Variants in ZSWIM7 observed in about 807,000 individuals in gnomAD.
ZSWIM7 encodes the protein zinc finger SWIM domain-containing protein 7.
In ZSWIM7, 22 loss-of-function variants were observed where a neutral mutation model predicts 21.1. The observed-to-expected ratio is 1.04, with a 90% CI of 0.74 to 1.49. The LOEUF is 1.49. ZSWIM7 is among the 40% of genes most tolerant of loss of function. The pLI, the probability that ZSWIM7 is intolerant of heterozygous loss-of-function variation, is 0.00. For missense variants in ZSWIM7, 193 were observed against 168.0 expected, an observed-to-expected ratio of 1.15 and a Z score of -0.82; for synonymous variants, 67 against 66.5, an observed-to-expected ratio of 1.01 and a Z score of -0.04.
chr17:15,999,574 C>G lies in ZSWIM7; in HGVS notation c.21G>C (p.Ala7=), dbSNP rs768165406. The G allele has an allele frequency of 2.5e-6, 4 of 1,591,654 alleles. No individual in the cohort carries two copies. Among genetic ancestry groups the G allele is most frequent in the Non-Finnish European group, 3.4e-6 (4 of 1,170,276 alleles). MAVVLP[A]VVEELLSEMA... ...TCTCGCTCAGGAGCTCCTCCACAAC[C>G]GCCGGCAACACTACGGCCATCGCGC... The change falls in exon 1 of 5, where the codon GCG becomes GCC. Residue 7 remains alanine, a synonymous_variant. Transcript: ENST00000399277.
chr17:15,994,548 A>C (rs1027228201), intron 1 of ZSWIM7, among the ~76,000 whole-genome samples: 1 of 152,218 alleles, frequency 6.6e-6, no homozygotes, highest in African/African-American at 2.4e-5. Context: ...GTGGGACCCC[A>C]GTTCCCTCCA....
intron 2 of ZSWIM7, among the ~76,000 whole-genome samples, chr17:15,990,254 T>G (rs922714719): frequency 6.7e-6 from 1 of 149,728 alleles, no homozygotes; most frequent in African/African-American, 2.5e-5. Flanking sequence ...AACCAAAATT[T>G]AAGAGTGATT....
chr17:15,990,678 T>C (rs958778428), intron 2 of ZSWIM7, among the ~76,000 whole-genome samples: 4 of 152,214 alleles, frequency 2.6e-5, no homozygotes, highest in African/African-American at 7.2e-5. Flanking sequence ...AAAATTAAAA[T>C]GTTCAACTTC....
At chr17:15,986,971 C>G (rs1227617082) in intron 3 of ZSWIM7, 1 of 181,968 alleles carries the variant, frequency 5.5e-6, no homozygotes, top group African/African-American at 2.4e-5. Flanking sequence ...GATCTCACCA[C>G]AAAAAAAGAA....
Position 15,981,892 on chromosome 17 carries a change from G to A in ZSWIM7, c.202-748C>T, listed in dbSNP as rs866824824. 1.4e-4 allele frequency among the ~76,000 whole-genome samples: 22 copies of A among 152,286 alleles called. No homozygotes were observed. In the Middle Eastern group the frequency reaches 0.017, roughly 118 times the overall value. Reference sequence around the variant, plus strand: ...GACTGCACCACTGCACTGCAGCCTGGGTGACAAAGATCCCATCTCTAAAAT... The same window carrying A: ...GACTGCACCACTGCACTGCAGCCTGAGTGACAAAGATCCCATCTCTAAAAT... On this transcript the variant is annotated intron_variant, in intron 3 of 4. Transcript: ENST00000399277.
intron 4 of ZSWIM7, among the ~76,000 whole-genome samples, chr17:15,979,578 C>A (rs1318968714): frequency 6.6e-6 from 1 of 151,314 alleles, no homozygotes; most frequent in Non-Finnish European, 1.5e-5. Flanking sequence ...GGCAGAGGCG[C>A]CCCTCACCTC....
At position 15,999,681 on chromosome 17, in the gene ZSWIM7, C is replaced by T. The variant is rs779885942; in HGVS notation, c.-87G>A. 6.4e-6 allele frequency: 10 copies of T among 1,558,518 alleles called. No homozygotes were observed. The highest frequency in any genetic ancestry group is 3.8e-5 in the Admixed American group (2 of 52,432). On this transcript the variant is annotated 5_prime_UTR_variant, in exon 1 of 5. Coordinates refer to ENST00000399277, the MANE Select transcript of ZSWIM7 (RefSeq NM_001042697.2). ...CTACCTGTGGAGGATCCTGACCCCC[C>T]GCCGGGGCAGGGCGAGACGGAGTGA...
rs1014762056 is a variant in ZSWIM7, at chr17:15,999,686, G to A, written c.-92C>T. ...TGTGGAGGATCCTGACCCCCCGCCG[G>A]GGCAGGGCGAGACGGAGTGACGTCG... On this transcript the variant is annotated 5_prime_UTR_variant, in exon 1 of 5. Coordinates refer to ENST00000399277, the MANE Select transcript of ZSWIM7 (RefSeq NM_001042697.2). The A allele has an allele frequency of 2.4e-5, 37 of 1,557,742 alleles. No homozygotes were observed. The highest frequency in any genetic ancestry group is 3.1e-5 in the Non-Finnish European group (36 of 1,151,576).
intron 2 of ZSWIM7, among the ~76,000 whole-genome samples, chr17:15,993,348 T>A (rs930905121): frequency 6.3e-5 from 9 of 142,440 alleles, no homozygotes; most frequent in African/African-American, 2.5e-4. Context: ...TTATTTTTTA[T>A]TTTATTTATT....
chr17:15,995,042 T>C (rs1970531610), intron 1 of ZSWIM7, among the ~76,000 whole-genome samples: 1 of 152,044 alleles, frequency 6.6e-6, no homozygotes, highest in Non-Finnish European at 1.5e-5. Context: ...TAAACATCTA[T>C]TACTAATATT....
At chr17:15,992,439 C>CT (rs11455913) in intron 2 of ZSWIM7, among the ~76,000 whole-genome samples, 67,305 of 121,852 alleles carry the variant, frequency 0.55, 19,358 homozygotes, top group African/African-American at 0.65. Flanking sequence ...AACAGCTACG[C>CT]TTTTTTTTTT....
intron 3 of ZSWIM7, among the ~76,000 whole-genome samples, chr17:15,983,344 CAAA>C (rs58918337): frequency 2.5e-3 from 111 of 44,594 alleles, no homozygotes; most frequent in African/African-American, 8.2e-3. Flanking sequence ...GACTCTGTCT[CAAA>C]AAAAAAAAAA....
At chr17:15,999,320 G>A in intron 1 of ZSWIM7, 199 bp downstream of exon 1, 1 of 725,802 alleles carries the variant, frequency 1.4e-6, no homozygotes, top group Non-Finnish European at 2.3e-6. Flanking sequence ...TTGCTGAATC[G>A]ATTTGACTTT....
chr17:15,980,672 T>C (rs1286686867), intron 4 of ZSWIM7, among the ~76,000 whole-genome samples: 1 of 152,172 alleles, frequency 6.6e-6, no homozygotes, highest in Non-Finnish European at 1.5e-5. Flanking sequence ...GTCTCACAGG[T>C]AGTGCAAAGA....
chr17:15,988,897 G>A (rs1187489400), intron 2 of ZSWIM7, among the ~76,000 whole-genome samples: 2 of 152,128 alleles, frequency 1.3e-5, no homozygotes, highest in Non-Finnish European at 2.9e-5. Context: ...GCACACGCCT[G>A]TAGTCCCAGC....
At chr17:15,996,964 GC>G (rs1176255840) in intron 1 of ZSWIM7, among the ~76,000 whole-genome samples, 1 of 152,054 alleles carries the variant, frequency 6.6e-6, no homozygotes, top group Non-Finnish European at 1.5e-5. Flanking sequence ...TTCGAGTCCA[GC>G]CTAGGCAACA....
chr17:15,999,638 C>T lies in ZSWIM7; in HGVS notation c.-44G>A, dbSNP rs927474873. ...CTCCACGACCGGCGGACCGCCGCGACGCTCCAGCTGACTGCGCCTACCTGT... is the reference window on the plus strand; with the variant it reads ...CTCCACGACCGGCGGACCGCCGCGATGCTCCAGCTGACTGCGCCTACCTGT... On this transcript the variant is annotated 5_prime_UTR_variant, in exon 1 of 5. Transcript: ENST00000399277. The T allele has an allele frequency of 6.4e-6, 10 of 1,566,554 alleles. No homozygotes were observed. The African/African-American group carries it at 1.1e-4, about 17-fold the overall frequency.
intron 1 of ZSWIM7, among the ~76,000 whole-genome samples, chr17:15,997,481 C>T (rs1300427826): frequency 2.0e-5 from 3 of 152,100 alleles, no homozygotes; most frequent in Admixed American, 6.5e-5. Context: ...AGTTGTAACT[C>T]CAGGGAAATC....
rs924674825 is a variant in ZSWIM7, at chr17:15,977,900, C to T, written c.*147G>A. On this transcript the variant is annotated 3_prime_UTR_variant, in exon 5 of 5. Coordinates refer to ENST00000399277, the MANE Select transcript of ZSWIM7 (RefSeq NM_001042697.2). ...CACAGCCCACGGCTCCAACCCACAG[C>T]ACCTCCTGCAGTCCTGGAGGGAAAA... 1 of 666,966 alleles carries T rather than the reference C, an allele frequency of 1.5e-6. No individual in the cohort carries two copies. The highest frequency in any genetic ancestry group is 1.8e-5 in the African/African-American group (1 of 55,976). The allele number at this position is 666,966 out of a possible 1,614,324, so 41.3% of individuals were successfully genotyped here.
Sources: allele counts gnomAD v4.1 joint callset (sites outside exome capture counted in the v4.1 genomes callset), GRCh38; gene constraint gnomAD v4.1.1; transcripts MANE v1.5; gene names NCBI Gene and HGNC (gene_info 2026-07-23, HGNC 2026-07-21).